Variants in VGLL4 observed in about 807,000 individuals in gnomAD.
VGLL4 encodes vestigial like family member 4, also known as transcription cofactor vestigial-like protein 4.
VGLL4 carries 7 observed loss-of-function variants against 21.0 expected under a neutral mutation model. The ratio of observed to expected loss-of-function variants is 0.33; its 90% CI spans 0.19 to 0.63. The LOEUF (loss-of-function observed/expected upper bound fraction) is 0.63. Ranked by LOEUF, VGLL4 falls within the 20% of genes least tolerant of loss-of-function variation. The probability of loss-of-function intolerance (pLI) is 0.78; values close to 1 mark genes in which losing one functional copy is unlikely to be tolerated. For missense variants in VGLL4, 394 were observed against 425.7 expected (o/e 0.93, Z 0.66); for synonymous variants, 222 against 173.2 (o/e 1.28, Z -2.21).
chr3:11,684,386 TTTCTTTAAAAAAAAGACAGGGTCTTA>T (rs2076415454), intron 2 of VGLL4, among the ~76,000 whole-genome samples: 1 of 152,088 alleles, frequency 6.6e-6, no homozygotes, highest in Non-Finnish European at 1.5e-5. Context: ...TCCCTTTTTT[TTTCTTTAAAAAAAAGACAGGGTCTTA>T]CTTTGTCACC....
At chr3:11,682,359 C>T (rs985357044) in intron 2 of VGLL4, among the ~76,000 whole-genome samples, 6 of 139,856 alleles carry the variant, frequency 4.3e-5, no homozygotes, top group African/African-American at 1.1e-4. Flanking sequence ...GAGCTGAGAT[C>T]GCACCACTGC....
In VGLL4 at chr3:11,643,712, A is replaced by T; in HGVS notation, c.-194T>A. On this transcript the variant is annotated 5_prime_UTR_variant, in exon 1 of 5. Transcript: ENST00000430365. ...GCACAAAAAAATCGAGCTCACACGA[A>T]ACCCTTCAAGGGCTTACTGGTAGAC... The T allele has an allele frequency of 7.1e-7, 1 of 1,417,752 alleles. No homozygotes were observed. The highest frequency in any genetic ancestry group is 9.2e-7 in the Non-Finnish European group (1 of 1,091,422). The allele number at this position is 1,417,752 out of a possible 1,614,324, so 87.8% of individuals were successfully genotyped here.
rs186090598 is a variant in VGLL4, at chr3:11,662,038, G to A, written c.64+40933C>T. 1.6e-3 allele frequency among the ~76,000 whole-genome samples: 248 copies of A among 152,336 alleles called. 1 individual carries two copies. Among genetic ancestry groups the A allele is most frequent in the African/African-American group, 5.8e-3 (242 of 41,564 alleles). Reference sequence around the variant, plus strand: ...GTGATTGGCTCAAGAAGGAGCACATGACTCACAGACATTAGCTGCAGACTT... The same window carrying A: ...GTGATTGGCTCAAGAAGGAGCACATAACTCACAGACATTAGCTGCAGACTT... On this transcript the variant is annotated intron_variant, in intron 2 of 5. Coordinates refer to the VGLL4 transcript ENST00000273038.
intron 1 of VGLL4, chr3:11,604,648 C>G: frequency 1.5e-6 from 1 of 660,934 alleles, no homozygotes; most frequent in Non-Finnish European, 1.9e-6. Context: ...ATCTTGACTC[C>G]TCCTTTATTT....
Position 11,615,136 on chromosome 3 carries a change from C to T in VGLL4, c.83-13114G>A, listed in dbSNP as rs371112584. On this transcript the variant is annotated intron_variant, in intron 1 of 4. Coordinates refer to ENST00000430365, the MANE Select transcript of VGLL4 (RefSeq NM_001128219.3). ...CAGAGCCACAATACCATTATCATAC[C>T]CAACAAAGTTAAAGTTGACGTATTG... is the stretch of plus-strand genomic sequence containing the variant. 1.7e-3 allele frequency among the ~76,000 whole-genome samples: 266 copies of T among 152,200 alleles called. 1 individual carries two copies. The highest frequency in any genetic ancestry group is 6.3e-3 in the African/African-American group (261 of 41,512).
rs138596378 is a variant in VGLL4, at chr3:11,709,545, T to C, written c.-13-6498A>G. The stretch of plus-strand genomic sequence containing the variant: ...TCACCTTTTTCGTGGTTGTCAAATG[T>C]GAAGTTAATTCATCATGAATAGACA... On this transcript the variant is annotated intron_variant, in intron 1 of 5. Coordinates refer to the VGLL4 transcript ENST00000273038. 5.3e-5 allele frequency among the ~76,000 whole-genome samples: 8 copies of C among 151,652 alleles called. 2 individuals carry two copies. The highest frequency in any genetic ancestry group is 1.9e-4 in the African/African-American group (8 of 41,422).
chr3:11,565,126 C>T lies in VGLL4; in HGVS notation c.273-107G>A. 1 of 1,144,632 alleles carries T rather than the reference C, an allele frequency of 8.7e-7. No homozygotes were observed. Among genetic ancestry groups the T allele is most frequent in the East Asian group, 3.2e-5 (1 of 31,392 alleles). The allele number at this position is 1,144,632 out of a possible 1,614,324, so 70.9% of individuals were successfully genotyped here. On this transcript the variant is annotated intron_variant, in intron 2 of 4. Transcript: ENST00000430365. This position sits in a 1 kb window ranked among gnomAD's most constrained non-coding sequence, Gnocchi z 4.1. The stretch of plus-strand genomic sequence containing the variant: ...GCTTATTTAATTTTTTACCCTGAAG[C>T]TCAGGTCGTGTGGCTGGGCAGCACG...
chr3:11,574,482 G>T (rs1031773884), intron 2 of VGLL4, among the ~76,000 whole-genome samples: 3 of 152,298 alleles, frequency 2.0e-5, no homozygotes, highest in Admixed American at 6.5e-5. Context: ...AGTTCCAGAG[G>T]CTGGGAAGGG....
At chr3:11,583,368 C>G (rs546323699) in intron 2 of VGLL4, among the ~76,000 whole-genome samples, 1 of 152,276 alleles carries the variant, frequency 6.6e-6, no homozygotes, top group African/African-American at 2.4e-5. Context: ...AATTGTCTTC[C>G]AAATCCTGCC....
intron 1 of VGLL4, among the ~76,000 whole-genome samples, chr3:11,620,730 C>T (rs1291151976): frequency 6.6e-6 from 1 of 152,168 alleles, no homozygotes; most frequent in Non-Finnish European, 1.5e-5. Context: ...GTCCTGGGCC[C>T]TTGCTGACCG....
chr3:11,641,885 A>C (rs1190512263), intron 1 of VGLL4, among the ~76,000 whole-genome samples: 1 of 152,140 alleles, frequency 6.6e-6, no homozygotes, highest in Admixed American at 6.5e-5. Context: ...TCTGGTATCA[A>C]TTTCCTAACA....
At chr3:11,569,008 G>GC in intron 2 of VGLL4, 1 of 984,670 alleles carries the variant, frequency 1.0e-6, no homozygotes, top group Non-Finnish European at 1.2e-6. Context: ...CCAGGACAGA[G>GC]CTTTCTGAGT....
At chr3:11,674,261 A>G (rs530447365) in intron 2 of VGLL4, among the ~76,000 whole-genome samples, 1 of 152,274 alleles carries the variant, frequency 6.6e-6, no homozygotes, top group South Asian at 2.1e-4. Context: ...GTGACCCCGG[A>G]AAGAGGACCA....
chr3:11,714,057 T>A (rs2076886140), intron 1 of VGLL4, among the ~76,000 whole-genome samples: 1 of 152,194 alleles, frequency 6.6e-6, no homozygotes, highest in Non-Finnish European at 1.5e-5. Flanking sequence ...TCCTCGGTTA[T>A]TGTAATACAG....
At chr3:11,687,711 C>T (rs1001981887) in intron 2 of VGLL4, among the ~76,000 whole-genome samples, 1 of 152,178 alleles carries the variant, frequency 6.6e-6, no homozygotes, top group Non-Finnish European at 1.5e-5. Flanking sequence ...AATTAAGTCT[C>T]TAATCAGTCC....
intron 2 of VGLL4, chr3:11,671,178 T>G: frequency 6.9e-7 from 1 of 1,439,072 alleles, no homozygotes; most frequent in South Asian, 1.3e-5. Context: ...CACACTTTTC[T>G]TTGCAATACT....
At chr3:11,638,053 G>A (rs907249547) in intron 1 of VGLL4, among the ~76,000 whole-genome samples, 1 of 152,192 alleles carries the variant, frequency 6.6e-6, no homozygotes, top group African/African-American at 2.4e-5. Flanking sequence ...GTGTACATGC[G>A]TAAGTGCTAA....
chr3:11,639,918 A>T lies in VGLL4; in HGVS notation c.82+3519T>A, dbSNP rs966707393. On this transcript the variant is annotated intron_variant, in intron 1 of 4. Coordinates refer to ENST00000430365, the MANE Select transcript of VGLL4 (RefSeq NM_001128219.3). ...CATGAAATAATTCTGGAGAGGCAGC[A>T]CGGCATAGAAGATTCATAGAAGAGT... Among the ~76,000 whole-genome samples, 33 of 152,152 alleles carry T rather than the reference A, an allele frequency of 2.2e-4. 1 individual carries two copies. Among genetic ancestry groups the T allele is most frequent in the Admixed American group, 2.2e-3 (33 of 15,276 alleles).
intron 1 of VGLL4, among the ~76,000 whole-genome samples, chr3:11,611,393 C>A (rs999661711): frequency 6.6e-6 from 1 of 152,166 alleles, no homozygotes; most frequent in African/African-American, 2.4e-5. Flanking sequence ...CGGCCATCTG[C>A]AAGCCAAGGA....
Sources: allele counts gnomAD v4.1 joint callset (sites outside exome capture counted in the v4.1 genomes callset), GRCh38; gene constraint gnomAD v4.1.1; non-coding constraint Gnocchi (gnomAD v3.1); transcripts MANE v1.5; gene names NCBI Gene and HGNC (gene_info 2026-07-23, HGNC 2026-07-21).